The following DMC1 variants were observed in gnomAD, a reference collection of about 807,000 sequenced individuals.
DMC1 encodes DNA meiotic recombinase 1.
Under a neutral mutation model 50.1 loss-of-function variants are expected in DMC1, and 27 were observed. The ratio of observed to expected loss-of-function variants is 0.54; its 90% CI spans 0.40 to 0.74. The LOEUF is 0.74. Ranked by LOEUF, DMC1 falls within the 30% of genes least tolerant of loss-of-function variation. The probability of loss-of-function intolerance (pLI) is 0.00; values close to 1 mark genes in which losing one functional copy is unlikely to be tolerated. For missense variants in DMC1, 295 were observed against 420.2 expected (o/e 0.70, Z 2.60); for synonymous variants, 148 against 136.1 (o/e 1.09, Z -0.61).
chr22:38,542,702 AC>A lies in DMC1; in HGVS notation c.495-3291del, dbSNP rs1043445027. ...CATTCTTCAGAGAAATAGAAAAACAACCCTAAAATTTATATGGAACCACAAA... is the reference window on the plus strand; with the variant it reads ...CATTCTTCAGAGAAATAGAAAAACAACCTAAAATTTATATGGAACCACAAA... On this transcript the variant is annotated intron_variant, in intron 8 of 13. Coordinates refer to ENST00000216024, the MANE Select transcript of DMC1 (RefSeq NM_007068.4). Among the ~76,000 whole-genome samples the A allele has an allele frequency of 7.9e-5, 12 of 152,304 alleles. 1 individual carries two copies. Among genetic ancestry groups the A allele is most frequent in the East Asian group, 7.7e-4 (4 of 5,184 alleles).
At chr22:38,567,441 G>T in intron 3 of DMC1, 142 bp downstream of exon 3, 1 of 733,958 alleles carries the variant, frequency 1.4e-6, no homozygotes, top group Non-Finnish European at 2.5e-6. Flanking sequence ...TGAGTGAGTA[G>T]AGGCCAAGGA....
chr22:38,565,773 T>C (rs770782637), intron 4 of DMC1, among the ~76,000 whole-genome samples: 2 of 152,248 alleles, frequency 1.3e-5, no homozygotes, highest in Non-Finnish European at 2.9e-5. Context: ...ACATGCTTGG[T>C]CATATCTATC....
intron 12 of DMC1, among the ~76,000 whole-genome samples, chr22:38,526,815 A>G (rs1056178026): frequency 6.6e-6 from 1 of 152,160 alleles, no homozygotes; most frequent in African/African-American, 2.4e-5. Context: ...AGGTCTACTT[A>G]CAGGGAGAGA....
intron 3 of DMC1, 117 bp downstream of exon 3, chr22:38,567,466 T>C: frequency 1.2e-6 from 1 of 862,828 alleles, no homozygotes; most frequent in South Asian, 1.4e-5. Flanking sequence ...GCAAACACCC[T>C]ACAATGCACA....
chr22:38,517,329 G>C (rs2089982785), downstream of DMC1, among the ~76,000 whole-genome samples: 2 of 152,200 alleles, frequency 1.3e-5, no homozygotes, highest in Non-Finnish European at 2.9e-5. Flanking sequence ...AGCATTTTGG[G>C]AGGCTGAGGC....
chr22:38,512,129 C>T, the DMC1 span, among the ~76,000 whole-genome samples: 2 of 152,066 alleles, frequency 1.3e-5, no homozygotes, highest in African/African-American at 4.8e-5. Context: ...CGCATGCCAC[C>T]ACACCCGGAT....
chr22:38,512,286 T>C, the DMC1 span, among the ~76,000 whole-genome samples: 84 of 152,142 alleles, frequency 5.5e-4, no homozygotes, highest in African/African-American at 1.9e-3. Flanking sequence ...GCCTTTTATC[T>C]TTCTTCTCTC....
At chr22:38,569,634 G>A (rs1205270883) in intron 1 of DMC1, among the ~76,000 whole-genome samples, 1 of 152,202 alleles carries the variant, frequency 6.6e-6, no homozygotes, top group African/African-American at 2.4e-5. Flanking sequence ...ATCTCTCAAG[G>A]AGCCGTTGAT....
intron 4 of DMC1, 105 bp from the exon 5 acceptor site, chr22:38,562,474 G>T: frequency 1.2e-6 from 1 of 815,940 alleles, no homozygotes; most frequent in Non-Finnish European, 2.1e-6. Context: ...TCATCATTTG[G>T]TATAAGCTAC....
At chr22:38,563,985 C>A (rs547163407) in intron 4 of DMC1, among the ~76,000 whole-genome samples, 1 of 152,208 alleles carries the variant, frequency 6.6e-6, no homozygotes, top group East Asian at 1.9e-4. Context: ...CAGGCGTGAG[C>A]CACCAGGCCC....
At chr22:38,562,451 T>G in intron 4 of DMC1, 82 bp from the exon 5 acceptor site, 1 of 940,906 alleles carries the variant, frequency 1.1e-6, no homozygotes, top group East Asian at 2.4e-5. Context: ...AATGATATAC[T>G]CAGTTATTAA....
chr22:38,527,119 G>A (rs1602716929), intron 12 of DMC1, among the ~76,000 whole-genome samples: 3 of 152,254 alleles, frequency 2.0e-5, no homozygotes, highest in African/African-American at 7.2e-5. Flanking sequence ...TATGAGCTAT[G>A]GAGTTAGACC....
At chr22:38,538,054 G>C (rs1039307364) in intron 11 of DMC1, among the ~76,000 whole-genome samples, 3 of 152,064 alleles carry the variant, frequency 2.0e-5, no homozygotes, top group Admixed American at 2.0e-4. Flanking sequence ...TAAGGAGGAA[G>C]AATTGCTTGA....
intron 8 of DMC1, among the ~76,000 whole-genome samples, chr22:38,544,142 G>GA (rs972862245): frequency 3.3e-5 from 5 of 152,030 alleles, no homozygotes; most frequent in East Asian, 1.9e-4. Context: ...TACTCTATAG[G>GA]AAAAAAATCT....
chr22:38,539,184 A>C, intron 9 of DMC1, 137 bp downstream of exon 9: 1 of 666,204 alleles, frequency 1.5e-6, no homozygotes, highest in South Asian at 1.7e-5. Flanking sequence ...CCAGATGATA[A>C]AATTTATAGA....
chr22:38,568,782 C>T (rs767826709), intron 1 of DMC1, among the ~76,000 whole-genome samples: 3 of 152,132 alleles, frequency 2.0e-5, no homozygotes, highest in Non-Finnish European at 2.9e-5. Flanking sequence ...TGATGAATGC[C>T]TTCCTGCCTG....
chr22:38,552,229 T>C (rs1204460799), intron 7 of DMC1, among the ~76,000 whole-genome samples: 1 of 152,212 alleles, frequency 6.6e-6, no homozygotes, highest in Non-Finnish European at 1.5e-5. Flanking sequence ...AGTAGTGTAT[T>C]TGTGGAAAAG....
At chr22:38,529,766 T>C (rs1223498101) in intron 12 of DMC1, among the ~76,000 whole-genome samples, 1 of 152,286 alleles carries the variant, frequency 6.6e-6, no homozygotes, top group East Asian at 1.9e-4. Flanking sequence ...TGAGCCTCTG[T>C]TTCCACCTTT....
chr22:38,538,085 A>G (rs955749266), intron 11 of DMC1, among the ~76,000 whole-genome samples: 1 of 152,136 alleles, frequency 6.6e-6, no homozygotes, highest in Non-Finnish European at 1.5e-5. Flanking sequence ...CGGAGGTTGC[A>G]GTGAGCCGAG....
Sources: gnomAD v4.1 joint callset for allele counts (sites outside exome capture counted in the v4.1 genomes callset) on GRCh38, gnomAD v4.1.1 for gene constraint, MANE v1.5 for transcripts, NCBI Gene and HGNC (gene_info 2026-07-23, HGNC 2026-07-21) for gene names.